TMEM117: variants seen among roughly 807,000 people sequenced by gnomAD.
TMEM117 encodes the protein transmembrane protein 117.
In TMEM117, 27 loss-of-function variants were observed where a neutral mutation model predicts 52.4. The ratio of observed to expected loss-of-function variants is 0.51; its 90% confidence interval spans 0.38 to 0.71. The LOEUF is 0.71. Among genes scored for constraint, TMEM117 ranks in the 30% least tolerant of loss-of-function variants. The probability of loss-of-function intolerance (pLI) is 0.00; values close to 1 mark genes in which losing one functional copy is unlikely to be tolerated. For synonymous variants in TMEM117, 215 were observed against 206.3 expected, an observed-to-expected ratio of 1.04 and a Z score of -0.36; for missense variants, 556 against 630.5, an observed-to-expected ratio of 0.88 and a Z score of 1.26.
At chr12:44,177,230 T>C (rs1949127838) in intron 4 of TMEM117, among the ~76,000 whole-genome samples, 1 of 152,328 alleles carries the variant, frequency 6.6e-6, no homozygotes, top group African/African-American at 2.4e-5. Flanking sequence ...GTCAAGTCTC[T>C]AAGTCTGTAA....
At chr12:44,034,123 T>C (rs139593382) in intron 3 of TMEM117, among the ~76,000 whole-genome samples, 6 of 152,340 alleles carry the variant, frequency 3.9e-5, no homozygotes, top group African/African-American at 1.4e-4. Flanking sequence ...AACATGGAGA[T>C]GGAAAACAAT....
chr12:43,857,787 T>C (rs542191938), intron 2 of TMEM117, among the ~76,000 whole-genome samples: 2 of 152,370 alleles, frequency 1.3e-5, no homozygotes, highest in East Asian at 1.9e-4. Context: ...TTCTTGAAGA[T>C]ATTTTCACTG....
intron 4 of TMEM117, among the ~76,000 whole-genome samples, chr12:44,177,098 T>C (rs1339396506): frequency 4.6e-5 from 7 of 152,124 alleles, no homozygotes; most frequent in Admixed American, 1.3e-4. Flanking sequence ...TAAAGAAATA[T>C]AAGAGACATT....
In TMEM117 at chr12:44,336,730, T is replaced by C. The variant is rs78552820; in HGVS notation, c.768+36991T>C. The stretch of plus-strand genomic sequence containing the variant: ...ATAGGGGTTTTTTTTTGGAAAGCTA[T>C]ATATGTAAAACATGGTATCAGTCAT... On this transcript the variant is annotated intron_variant, in intron 6 of 7. Coordinates refer to ENST00000266534, the MANE Select transcript of TMEM117 (RefSeq NM_032256.3). 1.1e-3 allele frequency among the ~76,000 whole-genome samples: 160 copies of C among 152,090 alleles called. 1 individual carries two copies. The highest frequency in any genetic ancestry group is 3.7e-3 in the African/African-American group (153 of 41,546).
chr12:43,919,018 A>G (rs558674653), intron 2 of TMEM117, among the ~76,000 whole-genome samples: 2 of 152,308 alleles, frequency 1.3e-5, no homozygotes, highest in African/African-American at 2.4e-5. Context: ...AGTGAGCCAC[A>G]TAAGAGAGCT....
the TMEM117 span, among the ~76,000 whole-genome samples, chr12:43,824,732 A>G: frequency 2.0e-5 from 3 of 152,194 alleles, no homozygotes; most frequent in Non-Finnish European, 4.4e-5. Flanking sequence ...TCAGGAGACC[A>G]CCTTGGCTAA....
At chr12:43,939,696 C>T (rs1040417529) in intron 2 of TMEM117, among the ~76,000 whole-genome samples, 2 of 152,202 alleles carry the variant, frequency 1.3e-5, no homozygotes, top group African/African-American at 4.8e-5. Context: ...GGTGGCTGCC[C>T]TAACTGGCAC....
At chr12:44,398,395 A>G in the TMEM117 span, among the ~76,000 whole-genome samples, 419 of 152,282 alleles carry the variant, frequency 2.8e-3, 7 homozygotes, top group East Asian at 0.068. Flanking sequence ...CATTCCTGGG[A>G]GAAGCCAAAG....
chr12:44,192,437 C>G (rs1181023358), intron 4 of TMEM117, among the ~76,000 whole-genome samples: 2 of 152,262 alleles, frequency 1.3e-5, no homozygotes, highest in East Asian at 1.9e-4. Context: ...CTAAATTGTT[C>G]TGTGCAAATC....
chr12:44,130,342 CTCT>C (rs1489924609), intron 3 of TMEM117, among the ~76,000 whole-genome samples: 1 of 152,140 alleles, frequency 6.6e-6, no homozygotes, highest in Non-Finnish European at 1.5e-5. Flanking sequence ...AGAAGCTGCC[CTCT>C]GGCTGTCCTA....
At chr12:44,024,244 A>G (rs1164705978) in intron 3 of TMEM117, among the ~76,000 whole-genome samples, 2 of 152,224 alleles carry the variant, frequency 1.3e-5, no homozygotes, top group Non-Finnish European at 1.5e-5. Flanking sequence ...AAGACAAGTC[A>G]GTTGATATAT....
intron 2 of TMEM117, among the ~76,000 whole-genome samples, chr12:43,856,941 T>C (rs184236362): frequency 6.6e-6 from 1 of 152,292 alleles, no homozygotes; most frequent in East Asian, 1.9e-4. Context: ...GGAGATTTGG[T>C]GTGTTGGAGC....
intron 7 of TMEM117, 92 bp downstream of exon 7, chr12:44,376,816 A>T: frequency 7.5e-7 from 1 of 1,327,006 alleles, no homozygotes. Context: ...AATATTTGAG[A>T]GGCATAAATA....
rs149080987 is a variant in TMEM117, at chr12:44,291,810, G to A, written c.609-7770G>A. Among the ~76,000 whole-genome samples the A allele has an allele frequency of 3.5e-4, 53 of 152,044 alleles. No homozygotes were observed. In the East Asian group the frequency reaches 8.1e-3, roughly 23 times the overall value. On this transcript the variant is annotated intron_variant, in intron 5 of 7. Coordinates refer to ENST00000266534, the MANE Select transcript of TMEM117 (RefSeq NM_032256.3). ...GCATCACATTTATTGATTTGTGTAAGCTAACATATCCTTGCTTGCCAAGGA... is the reference window on the plus strand; with the variant it reads ...GCATCACATTTATTGATTTGTGTAAACTAACATATCCTTGCTTGCCAAGGA...
intron 6 of TMEM117, among the ~76,000 whole-genome samples, chr12:44,332,744 C>CAT (rs1951288853): frequency 6.6e-6 from 1 of 150,798 alleles, no homozygotes; most frequent in South Asian, 2.1e-4. Flanking sequence ...CACACACACA[C>CAT]ACACAGACAC....
chr12:43,955,756 G>T (rs536632194), intron 3 of TMEM117, among the ~76,000 whole-genome samples: 2 of 152,086 alleles, frequency 1.3e-5, no homozygotes, highest in Non-Finnish European at 2.9e-5. Context: ...TTAAACTACC[G>T]TTGACATTCT....
At chr12:43,944,148 GCAAA>G (rs1945089492) in intron 2 of TMEM117, 58 bp from the exon 3 acceptor site, 76 of 1,411,166 alleles carry the variant, frequency 5.4e-5, no homozygotes, top group Admixed American at 1.4e-4. Flanking sequence ...TTAAAATAAA[GCAAA>G]GATCCATGAA....
chr12:44,254,209 T>C (rs1592643085), intron 5 of TMEM117, among the ~76,000 whole-genome samples: 1 of 152,064 alleles, frequency 6.6e-6, no homozygotes, highest in Admixed American at 6.6e-5. Flanking sequence ...ATAAAATATA[T>C]ATATTCTTGA....
intron 6 of TMEM117, among the ~76,000 whole-genome samples, chr12:44,333,315 A>G (rs917338316): frequency 8.5e-5 from 13 of 152,174 alleles, no homozygotes; most frequent in Admixed American, 7.9e-4. Flanking sequence ...TAAAACCGGA[A>G]CTGCCCTTTT....
Sources: allele counts gnomAD v4.1 joint callset (sites outside exome capture counted in the v4.1 genomes callset), GRCh38; gene constraint gnomAD v4.1.1; transcripts MANE v1.5; gene names NCBI Gene and HGNC (gene_info 2026-07-23, HGNC 2026-07-21).